TTC29: variants seen among roughly 807,000 people sequenced by gnomAD.
TTC29 encodes tetratricopeptide repeat domain 29, also known as tetratricopeptide repeat protein 29.
Under a neutral mutation model 58.1 loss-of-function variants are expected in TTC29, and 49 were observed. The observed-to-expected ratio is 0.84, with a 90% CI of 0.67 to 1.07. TTC29 has a LOEUF of 1.07. Ranked by LOEUF, TTC29 falls within the 50% of genes least tolerant of loss-of-function variation. The probability of loss-of-function intolerance (pLI) is 0.00; values close to 1 mark genes in which losing one functional copy is unlikely to be tolerated. For synonymous variants in TTC29, 209 were observed against 196.8 expected, an observed-to-expected ratio of 1.06 and a Z score of -0.52; for missense variants, 582 against 555.6, an observed-to-expected ratio of 1.05 and a Z score of -0.48.
chr4:146,708,334 A>ATATATATG (rs1742171741), intron 11 of TTC29, among the ~76,000 whole-genome samples: 1 of 74,026 alleles, frequency 1.4e-5, no homozygotes, highest in East Asian at 4.1e-4. Context: ...ATATATATAT[A>ATATATATG]TATATATATA....
At chr4:146,741,081 GAAAA>G (rs1745106593) in intron 11 of TTC29, among the ~76,000 whole-genome samples, 1 of 152,126 alleles carries the variant, frequency 6.6e-6, no homozygotes, top group African/African-American at 2.4e-5. Flanking sequence ...TTCTGGCCTG[GAAAA>G]GTCACCCAGT....
chr4:146,814,664 T>TGCAGCGAGCCGAAATTGTGCC (rs1246377040), intron 10 of TTC29, among the ~76,000 whole-genome samples: 14 of 139,478 alleles, frequency 1.0e-4, no homozygotes, highest in Non-Finnish European at 2.0e-4. Context: ...AGGCGGAGGT[T>TGCAGCGAGCCGAAATTGTGCC]GCAGCGAGCC....
rs200746440 is a variant in TTC29, at chr4:146,724,152, T to TA, written c.1331-16602dup. ...AAACCAAATACTGCATGTTCTCACT[T>TA]ACAAGTAGGAGTTAAACATTGGGTA... On this transcript the variant is annotated intron_variant, in intron 11 of 12. Transcript: ENST00000325106. Among the ~76,000 whole-genome samples the TA allele has an allele frequency of 2.9e-4, 44 of 152,296 alleles. No homozygotes were observed. In the East Asian group the frequency reaches 8.3e-3, roughly 29 times the overall value.
At chr4:146,834,473 A>G (rs2150158948) in intron 8 of TTC29, among the ~76,000 whole-genome samples, 1 of 152,310 alleles carries the variant, frequency 6.6e-6, no homozygotes. Flanking sequence ...CCACAGCCAA[A>G]CATGTGATCT....
intron 11 of TTC29, among the ~76,000 whole-genome samples, chr4:146,801,850 G>A (rs1297132653): frequency 6.6e-6 from 1 of 150,910 alleles, no homozygotes; most frequent in Non-Finnish European, 1.5e-5. Context: ...TCATGGTTGG[G>A]TGCCTGTGGT....
chr4:146,877,189 A>G (rs1731324048), intron 6 of TTC29, among the ~76,000 whole-genome samples: 1 of 152,156 alleles, frequency 6.6e-6, no homozygotes, highest in African/African-American at 2.4e-5. Flanking sequence ...ATAAAAAAAC[A>G]TTTAGAAAGC....
chr4:146,845,008 A>G (rs1336184193), intron 8 of TTC29, among the ~76,000 whole-genome samples: 1 of 151,644 alleles, frequency 6.6e-6, no homozygotes, highest in African/African-American at 2.4e-5. Context: ...AAGAAAACTC[A>G]GCCCCTCGTC....
chr4:146,848,361 G>C (rs1452663230), intron 8 of TTC29, among the ~76,000 whole-genome samples: 1 of 152,156 alleles, frequency 6.6e-6, no homozygotes, highest in Non-Finnish European at 1.5e-5. Flanking sequence ...ACAGTTTACT[G>C]TGTAATATTA....
At chr4:146,724,143 GT>G (rs1378892732) in intron 11 of TTC29, among the ~76,000 whole-genome samples, 1 of 152,172 alleles carries the variant, frequency 6.6e-6, no homozygotes, top group Non-Finnish European at 1.5e-5. Context: ...AATACTGCAT[GT>G]TCTCACTTAC....
At chr4:146,932,897 A>G (rs1374246808) in intron 4 of TTC29, among the ~76,000 whole-genome samples, 1 of 152,094 alleles carries the variant, frequency 6.6e-6, no homozygotes, top group East Asian at 1.9e-4. Flanking sequence ...TCTACTAAAA[A>G]TACAAAAAAA....
chr4:146,820,060 T>C (rs1391187325), intron 10 of TTC29, 65 bp downstream of exon 10: 13 of 1,593,388 alleles, frequency 8.2e-6, no homozygotes, highest in Non-Finnish European at 7.7e-6. Flanking sequence ...AAGATACTTT[T>C]AAAATGGGAA....
intron 11 of TTC29, among the ~76,000 whole-genome samples, chr4:146,731,096 G>A (rs1744295576): frequency 6.6e-6 from 1 of 152,172 alleles, no homozygotes; most frequent in Non-Finnish European, 1.5e-5. Flanking sequence ...TACACTGGTA[G>A]AGAAACTGGC....
intron 6 of TTC29, among the ~76,000 whole-genome samples, chr4:146,876,016 T>C (rs1045295270): frequency 6.6e-6 from 1 of 152,190 alleles, no homozygotes; most frequent in Admixed American, 6.6e-5. Flanking sequence ...AGAACACTTA[T>C]ATCTAGGCAC....
At chr4:146,916,404 T>G (rs1356979768) in intron 4 of TTC29, among the ~76,000 whole-genome samples, 1 of 151,666 alleles carries the variant, frequency 6.6e-6, no homozygotes, top group Non-Finnish European at 1.5e-5. Context: ...TTTAAAGCCA[T>G]ATAGAATTAT....
At chr4:146,888,669 G>T (rs1250887805) in intron 6 of TTC29, among the ~76,000 whole-genome samples, 1 of 152,066 alleles carries the variant, frequency 6.6e-6, no homozygotes, top group Non-Finnish European at 1.5e-5. Flanking sequence ...TTAAAGAGAG[G>T]TACAAAGAAG....
intron 9 of TTC29, among the ~76,000 whole-genome samples, chr4:146,830,159 C>G (rs1015241886): frequency 2.0e-5 from 3 of 152,078 alleles, no homozygotes; most frequent in African/African-American, 7.2e-5. Context: ...CACTATTATT[C>G]CAAGTAGGGG....
chr4:146,724,061 T>C (rs74979187), intron 11 of TTC29, among the ~76,000 whole-genome samples: 4 of 152,224 alleles, frequency 2.6e-5, no homozygotes, highest in African/African-American at 9.6e-5. Flanking sequence ...AGTGAAATCA[T>C]GTCCTTTGCA....
intron 11 of TTC29, among the ~76,000 whole-genome samples, chr4:146,790,249 C>T (rs1274756643): frequency 2.7e-5 from 4 of 150,806 alleles, no homozygotes; most frequent in East Asian, 1.9e-4. Flanking sequence ...AGTGCAGTGG[C>T]GCGATCTCGG....
chr4:146,909,052 G>T lies in TTC29; in HGVS notation c.374C>A (p.Thr125Asn). 6.2e-7 allele frequency: 1 copy of T among 1,613,840 alleles called. No homozygotes were observed. The highest frequency in any genetic ancestry group is 8.5e-7 in the Non-Finnish European group (1 of 1,179,846). ...TTTCCTCTCAGCGTCCTCAGCCCTGGTCAGGTAATGGTACAGGTAATCCAG... is the reference window on the plus strand; with the variant it reads ...TTTCCTCTCAGCGTCCTCAGCCCTGTTCAGGTAATGGTACAGGTAATCCAG... Reference protein sequence around the residue: ...DKLDYLYHYLTRAEDAERKES... With the variant: ...DKLDYLYHYLNRAEDAERKES... Residue 125 changes from threonine to asparagine, a missense_variant, in exon 5 of 13, where the codon ACC becomes AAC. Thr to Asn is a moderately conservative substitution (Grantham distance 65). Transcript: ENST00000325106.
Sources: gnomAD v4.1 joint callset for allele counts (sites outside exome capture counted in the v4.1 genomes callset) on GRCh38, gnomAD v4.1.1 for gene constraint, MANE v1.5 for transcripts, NCBI Gene and HGNC (gene_info 2026-07-23, HGNC 2026-07-21) for gene names.